The following PALM2AKAP2 variants were observed in gnomAD, a reference collection of about 807,000 sequenced individuals.
PALM2AKAP2 encodes PALM2 and AKAP2 fusion.
PALM2AKAP2 carries 37 observed loss-of-function variants against 71.5 expected under a neutral mutation model. The ratio of observed to expected loss-of-function variants is 0.52; its 90% CI spans 0.40 to 0.68. PALM2AKAP2 has a LOEUF of 0.68. Ranked by LOEUF, PALM2AKAP2 falls within the 30% of genes least tolerant of loss-of-function variation. The probability of loss-of-function intolerance (pLI) is 0.00; values close to 1 mark genes in which losing one functional copy is unlikely to be tolerated. For synonymous variants in PALM2AKAP2, 468 were observed against 478.8 expected (o/e 0.98, Z 0.29); for missense variants, 1,224 against 1,191.8 (o/e 1.03, Z -0.40).
At chr9:109,778,945 TTTTTAG>T (rs1829389311), upstream of PALM2AKAP2, among the ~76,000 whole-genome samples, 1 of 152,210 alleles carries the variant, frequency 6.6e-6, no homozygotes, top group Non-Finnish European at 1.5e-5. Flanking sequence ...ATTTTTTGTA[TTTTTAG>T]TAGAGAAGGG....
chr9:109,696,357 C>A (rs1176773903), intron 1 of PALM2AKAP2, among the ~76,000 whole-genome samples: 1 of 152,142 alleles, frequency 6.6e-6, no homozygotes, highest in Non-Finnish European at 1.5e-5. Context: ...TTCAGAACTT[C>A]TCATAGTAAG....
intron 6 of PALM2AKAP2, among the ~76,000 whole-genome samples, chr9:109,940,683 A>G (rs1401268902): frequency 6.6e-6 from 1 of 152,164 alleles, no homozygotes; most frequent in Non-Finnish European, 1.5e-5. Context: ...CTATCTAGGC[A>G]GAGGGACAGC....
chr9:109,928,916 C>G (rs1475165091), intron 5 of PALM2AKAP2, among the ~76,000 whole-genome samples: 5 of 152,166 alleles, frequency 3.3e-5, no homozygotes, highest in Non-Finnish European at 7.3e-5. Flanking sequence ...ATCTGCCTGC[C>G]TCAGCCTCCC....
At chr9:109,841,222 T>C (rs1828656970) in intron 1 of PALM2AKAP2, among the ~76,000 whole-genome samples, 1 of 151,846 alleles carries the variant, frequency 6.6e-6, no homozygotes, top group African/African-American at 2.4e-5. Flanking sequence ...TTTAGGGACA[T>C]GGATGAAGCT....
intron 2 of PALM2AKAP2, among the ~76,000 whole-genome samples, chr9:110,143,619 C>T (rs1249722085): frequency 6.6e-6 from 1 of 152,170 alleles, no homozygotes; most frequent in East Asian, 1.9e-4. Context: ...CAACAGTTCT[C>T]ACTTTAGTAT....
upstream of PALM2AKAP2, chr9:109,780,328 C>T: frequency 7.0e-7 from 1 of 1,435,060 alleles, no homozygotes; most frequent in African/African-American, 1.4e-5. Flanking sequence ...GCCCGCCGTG[C>T]GCACAGCTCT....
chr9:109,785,348 GTA>G (rs1375461922), intron 1 of PALM2AKAP2, among the ~76,000 whole-genome samples: 3 of 152,176 alleles, frequency 2.0e-5, no homozygotes, highest in Non-Finnish European at 4.4e-5. Context: ...CCTGAGGTGT[GTA>G]GAGCAAATCT....
At chr9:109,979,629 A>G (rs1213254635) in intron 6 of PALM2AKAP2, among the ~76,000 whole-genome samples, 1 of 152,220 alleles carries the variant, frequency 6.6e-6, no homozygotes, top group Non-Finnish European at 1.5e-5. Flanking sequence ...TGCCTAGCAT[A>G]GTGCTTGGAG....
intron 1 of PALM2AKAP2, among the ~76,000 whole-genome samples, chr9:109,657,938 T>TG (rs1758141728): frequency 2.8e-5 from 4 of 142,440 alleles, no homozygotes; most frequent in African/African-American, 7.9e-5. Context: ...TTGTGTGTGT[T>TG]TGTGTGTGTG....
chr9:109,813,009 GCA>G (rs1827763092), intron 1 of PALM2AKAP2, among the ~76,000 whole-genome samples: 1 of 152,240 alleles, frequency 6.6e-6, no homozygotes, highest in Non-Finnish European at 1.5e-5. Flanking sequence ...AGTGAGGTCA[GCA>G]CAGATTAAGC....
At chr9:110,074,744 C>T (rs7021648) in intron 1 of PALM2AKAP2, among the ~76,000 whole-genome samples, 7,395 of 152,038 alleles carry the variant, frequency 0.049, 593 homozygotes, top group African/African-American at 0.16. Flanking sequence ...GGTTCACGCC[C>T]GTAATCCCAG....
At chr9:109,917,569 G>A (rs1830723423) in intron 3 of PALM2AKAP2, among the ~76,000 whole-genome samples, 1 of 146,476 alleles carries the variant, frequency 6.8e-6, no homozygotes, top group Admixed American at 7.1e-5. Context: ...ACTCACTGCA[G>A]TCTTGAACTC....
chr9:110,046,070 C>T (rs1055970976), upstream of PALM2AKAP2, among the ~76,000 whole-genome samples: 1 of 152,110 alleles, frequency 6.6e-6, no homozygotes, highest in African/African-American at 2.4e-5. Context: ...CAAAATGTCC[C>T]CTGGGGAGTT....
At chr9:109,658,376 T>C (rs1477200480) in intron 1 of PALM2AKAP2, among the ~76,000 whole-genome samples, 1 of 152,160 alleles carries the variant, frequency 6.6e-6, no homozygotes, top group Admixed American at 6.5e-5. Context: ...TGTATCAATA[T>C]AGCCAATTTT....
At chr9:110,071,326 A>C (rs1834204508) in intron 1 of PALM2AKAP2, among the ~76,000 whole-genome samples, 1 of 152,198 alleles carries the variant, frequency 6.6e-6, no homozygotes, top group Admixed American at 6.5e-5. Context: ...GATACAAATA[A>C]AATTCTTATG....
At chr9:109,899,701 C>T (rs1830286587) in intron 3 of PALM2AKAP2, among the ~76,000 whole-genome samples, 2 of 152,208 alleles carry the variant, frequency 1.3e-5, no homozygotes, top group Admixed American at 6.5e-5. Context: ...CCAGCAACTA[C>T]CTGCCATTCC....
chr9:109,857,888 A>G (rs1157007327), intron 1 of PALM2AKAP2, among the ~76,000 whole-genome samples: 1 of 152,260 alleles, frequency 6.6e-6, no homozygotes, highest in Non-Finnish European at 1.5e-5. Flanking sequence ...TGCCATTATT[A>G]TTCTTACCAT....
At chr9:109,729,493 C>A (rs1161300701) in intron 1 of PALM2AKAP2, among the ~76,000 whole-genome samples, 1 of 152,162 alleles carries the variant, frequency 6.6e-6, no homozygotes, top group Non-Finnish European at 1.5e-5. Flanking sequence ...GCAAATCACT[C>A]AACTTTCCTC....
At chr9:110,106,471 T>TG (rs544264364) in intron 1 of PALM2AKAP2, among the ~76,000 whole-genome samples, 9 of 152,244 alleles carry the variant, frequency 5.9e-5, no homozygotes, top group East Asian at 3.9e-4. Context: ...TCATTGTTGC[T>TG]GGGGGGGATG....
Sources: allele counts gnomAD v4.1 joint callset (sites outside exome capture counted in the v4.1 genomes callset), GRCh38; gene constraint gnomAD v4.1.1; transcripts MANE v1.5; gene names NCBI Gene and HGNC (gene_info 2026-07-23, HGNC 2026-07-21).